The following USP49 variants were observed in gnomAD, a reference collection of about 807,000 sequenced individuals.
USP49 encodes the protein ubiquitin carboxyl-terminal hydrolase 49.
Under a neutral mutation model 58.6 loss-of-function variants are expected in USP49, and 24 were observed. That is an observed-to-expected ratio of 0.41 (90% CI 0.30 to 0.58). USP49 has a LOEUF of 0.58. USP49 is among the 20% of genes least tolerant of loss of function. The pLI, the probability that USP49 is intolerant of heterozygous loss-of-function variation, is 0.30. For synonymous variants in USP49, 408 were observed against 365.1 expected, an observed-to-expected ratio of 1.12 and a Z score of -1.34; for missense variants, 703 against 866.1, an observed-to-expected ratio of 0.81 and a Z score of 2.36.
At chr6:41,890,819 A>T (rs765931979) in intron 2 of USP49, among the ~76,000 whole-genome samples, 4 of 152,192 alleles carry the variant, frequency 2.6e-5, no homozygotes. Flanking sequence ...AATCAGAAAA[A>T]ATCCATTTTT....
At chr6:41,863,232 A>G (rs899196235) in intron 3 of USP49, among the ~76,000 whole-genome samples, 3 of 152,180 alleles carry the variant, frequency 2.0e-5, no homozygotes, top group Non-Finnish European at 4.4e-5. Flanking sequence ...TCAGTTACTA[A>G]AGCCTACTAA....
chr6:41,872,416 C>T (rs758665895), intron 2 of USP49, among the ~76,000 whole-genome samples: 18 of 151,904 alleles, frequency 1.2e-4, no homozygotes, highest in African/African-American at 3.6e-4. Flanking sequence ...TCTGCCTGGC[C>T]GCCGCCCCGT....
intron 3 of USP49, among the ~76,000 whole-genome samples, chr6:41,841,448 G>C (rs1229163501): frequency 1.3e-5 from 2 of 152,130 alleles, no homozygotes; most frequent in East Asian, 3.8e-4. Flanking sequence ...TCACACACCA[G>C]TGCTAATCAT....
chr6:41,882,644 C>T (rs1178892346), intron 2 of USP49, among the ~76,000 whole-genome samples: 1 of 152,142 alleles, frequency 6.6e-6, no homozygotes, highest in African/African-American at 2.4e-5. Flanking sequence ...CAGCCACGCG[C>T]AGTGGCTCAC....
At chr6:41,802,479 AT>A (rs11323812) in intron 5 of USP49, among the ~76,000 whole-genome samples, 25,770 of 80,278 alleles carry the variant, frequency 0.32, 4,132 homozygotes, top group Middle Eastern at 0.43. Flanking sequence ...TTTTTTATTT[AT>A]TTTTTTTTTT....
chr6:41,813,912 C>G (rs115530255), intron 3 of USP49, among the ~76,000 whole-genome samples: 2 of 152,206 alleles, frequency 1.3e-5, no homozygotes, highest in African/African-American at 4.8e-5. Flanking sequence ...TTTAAGTCAC[C>G]TCTCACACAT....
At chr6:41,832,257 G>A (rs575265299) in intron 3 of USP49, among the ~76,000 whole-genome samples, 1 of 152,044 alleles carries the variant, frequency 6.6e-6, no homozygotes, top group Non-Finnish European at 1.5e-5. Context: ...GCTTCCCTTT[G>A]ATAAATTAAC....
intron 3 of USP49, among the ~76,000 whole-genome samples, chr6:41,811,913 C>A (rs972362467): frequency 1.3e-5 from 2 of 152,130 alleles, no homozygotes; most frequent in Non-Finnish European, 2.9e-5. Flanking sequence ...AAGATGCAGA[C>A]AATTCCTGTT....
At chr6:41,796,945 ATT>A (rs5875772) in intron 7 of USP49, among the ~76,000 whole-genome samples, 3,296 of 107,748 alleles carry the variant, frequency 0.031, 46 homozygotes, top group South Asian at 0.065. Flanking sequence ...ACTGACTGCA[ATT>A]TTTTTTTTTT....
chr6:41,892,726 G>A (rs966897463), intron 1 of USP49, among the ~76,000 whole-genome samples: 11 of 151,910 alleles, frequency 7.2e-5, no homozygotes, highest in Non-Finnish European at 1.2e-4. Flanking sequence ...ACCAGCAAAA[G>A]TGTCAATCCA....
chr6:41,855,228 T>C (rs1011580883), intron 3 of USP49, among the ~76,000 whole-genome samples: 1 of 152,020 alleles, frequency 6.6e-6, no homozygotes, highest in Non-Finnish European at 1.5e-5. Flanking sequence ...AAAAGTACTT[T>C]TATTGGCCAG....
intron 2 of USP49, among the ~76,000 whole-genome samples, chr6:41,872,012 A>G (rs1774419403): frequency 6.6e-6 from 1 of 152,208 alleles, no homozygotes; most frequent in South Asian, 2.1e-4. Flanking sequence ...CAAAAGCTAA[A>G]ATTATTTTTG....
Position 41,814,314 on chromosome 6 carries a change from C to T in USP49, c.-28-7303G>A, listed in dbSNP as rs180863797. ...ATCTGAATCAACTGGAGCTAAGAAC[C>T]ATAATCAATATTTAAAAGCATTCTA... On this transcript the variant is annotated intron_variant, in intron 3 of 7. Transcript: ENST00000682992. 2.5e-3 allele frequency among the ~76,000 whole-genome samples: 378 copies of T among 152,256 alleles called. 3 individuals are homozygous for T. The highest frequency in any genetic ancestry group is 8.6e-3 in the African/African-American group (358 of 41,548).
chr6:41,892,092 T>C (rs936876449), intron 1 of USP49, among the ~76,000 whole-genome samples: 8 of 152,144 alleles, frequency 5.3e-5, no homozygotes, highest in African/African-American at 1.9e-4. Flanking sequence ...CCATTTTCAG[T>C]TTTAGAAATA....
chr6:41,807,891 A>G (rs1470661485), intron 3 of USP49, among the ~76,000 whole-genome samples: 1 of 150,858 alleles, frequency 6.6e-6, no homozygotes, highest in East Asian at 2.0e-4. Context: ...CTCCTGCCTC[A>G]GCCTCCCAGG....
At chr6:41,832,115 G>GTT (rs149533271) in intron 3 of USP49, among the ~76,000 whole-genome samples, 3 of 148,388 alleles carry the variant, frequency 2.0e-5, no homozygotes, top group Non-Finnish European at 3.0e-5. Context: ...AGTCTGTACT[G>GTT]TTTTTTTTTT....
chr6:41,841,410 T>C (rs1773825697), intron 3 of USP49, among the ~76,000 whole-genome samples: 1 of 152,224 alleles, frequency 6.6e-6, no homozygotes, highest in Admixed American at 6.5e-5. Context: ...GAAGTCCTAC[T>C]CTGAGCTTTC....
chr6:41,885,872 C>A (rs75937418), intron 2 of USP49, among the ~76,000 whole-genome samples: 218 of 152,220 alleles, frequency 1.4e-3, no homozygotes, highest in African/African-American at 5.1e-3. Context: ...ACACTGGGCC[C>A]AATTTGGGAT....
At chr6:41,847,668 C>T (rs530982025) in intron 3 of USP49, among the ~76,000 whole-genome samples, 44 of 151,880 alleles carry the variant, frequency 2.9e-4, no homozygotes, top group Admixed American at 2.9e-3. Flanking sequence ...GAGCCAAGAT[C>T]GTGCCACTAC....
Sources: gnomAD v4.1 joint callset for allele counts (sites outside exome capture counted in the v4.1 genomes callset) on GRCh38, gnomAD v4.1.1 for gene constraint, MANE v1.5 for transcripts, NCBI Gene and HGNC (gene_info 2026-07-23, HGNC 2026-07-21) for gene names.